Variants in SNTG2 observed in about 807,000 individuals in gnomAD.
The protein encoded by SNTG2 is gamma-2-syntrophin.
Under a neutral mutation model 70.9 loss-of-function variants are expected in SNTG2, and 74 were observed. That is an observed-to-expected ratio of 1.04 (90% confidence interval 0.86 to 1.27). SNTG2 has a LOEUF of 1.27. Among genes scored for constraint, SNTG2 ranks in the 50% most tolerant of loss-of-function variants. SNTG2 has a pLI of 0.00. For missense variants in SNTG2, 717 were observed against 690.7 expected, an observed-to-expected ratio of 1.04 and a Z score of -0.43; for synonymous variants, 278 against 273.8, an observed-to-expected ratio of 1.02 and a Z score of -0.15.
At chr2:962,202 T>G (rs1340197340) in intron 1 of SNTG2, among the ~76,000 whole-genome samples, 2 of 152,118 alleles carry the variant, frequency 1.3e-5, no homozygotes, top group Non-Finnish European at 2.9e-5. Flanking sequence ...GCCTCCCGAG[T>G]AGCTGGAACC....
At chr2:1,073,200 T>A (rs1663690879) in intron 1 of SNTG2, among the ~76,000 whole-genome samples, 1 of 152,218 alleles carries the variant, frequency 6.6e-6, no homozygotes, top group African/African-American at 2.4e-5. Flanking sequence ...AAAGAAGTTG[T>A]ACTGTGTGTA....
chr2:1,265,151 G>T (rs1678653709), intron 13 of SNTG2, among the ~76,000 whole-genome samples: 1 of 152,168 alleles, frequency 6.6e-6, no homozygotes. Context: ...TTTAAGTTCA[G>T]TGGATAAAGA....
chr2:1,091,948 T>A (rs1261492134), intron 2 of SNTG2, among the ~76,000 whole-genome samples: 1 of 152,150 alleles, frequency 6.6e-6, no homozygotes, highest in African/African-American at 2.4e-5. Flanking sequence ...GAAATTTTAT[T>A]TGAGTGAATT....
intron 8 of SNTG2, among the ~76,000 whole-genome samples, chr2:1,188,348 C>A (rs1672373321): frequency 1.3e-5 from 2 of 151,488 alleles, no homozygotes; most frequent in South Asian, 4.2e-4. Flanking sequence ...AATGAGAGAA[C>A]CAAAGATAAG....
intron 14 of SNTG2, among the ~76,000 whole-genome samples, chr2:1,304,256 G>T (rs146476914): frequency 1.3e-5 from 2 of 152,106 alleles, no homozygotes; most frequent in East Asian, 3.9e-4. Flanking sequence ...TCTTATATCC[G>T]ACTCCAGTTC....
intron 12 of SNTG2, among the ~76,000 whole-genome samples, chr2:1,257,468 C>T (rs1303882836): frequency 3.9e-5 from 6 of 152,056 alleles, no homozygotes; most frequent in Non-Finnish European, 5.9e-5. Context: ...AACCAGCAGA[C>T]GCCACAGGGA....
chr2:1,021,936 C>CTTTT (rs71392556), intron 1 of SNTG2, among the ~76,000 whole-genome samples: 29,162 of 120,488 alleles, frequency 0.24, 4,316 homozygotes, highest in Non-Finnish European at 0.31. Flanking sequence ...GTTTTATGTG[C>CTTTT]TTTTTTTTTT....
At chr2:1,273,110 G>T (rs2148193684) in intron 14 of SNTG2, among the ~76,000 whole-genome samples, 1 of 152,284 alleles carries the variant, frequency 6.6e-6, no homozygotes, top group South Asian at 2.1e-4. Context: ...GCACGCCCCT[G>T]CCTGCCCGCC....
At chr2:1,031,914 A>G (rs1660859946) in intron 1 of SNTG2, among the ~76,000 whole-genome samples, 1 of 152,156 alleles carries the variant, frequency 6.6e-6, no homozygotes, top group Non-Finnish European at 1.5e-5. Flanking sequence ...TAATGGGCAC[A>G]GGGTTTGTTT....
chr2:1,087,523 T>A (rs1240751629), intron 2 of SNTG2, among the ~76,000 whole-genome samples: 4 of 152,156 alleles, frequency 2.6e-5, no homozygotes, highest in Non-Finnish European at 1.5e-5. Context: ...TTAGACTATA[T>A]GTAGCTTAAC....
intron 14 of SNTG2, among the ~76,000 whole-genome samples, chr2:1,284,781 G>C (rs764904317): frequency 6.6e-6 from 1 of 152,048 alleles, no homozygotes; most frequent in African/African-American, 2.4e-5. Flanking sequence ...AGACATTTGT[G>C]TTTGTAATTA....
At chr2:1,280,163 A>G (rs748929774) in intron 14 of SNTG2, among the ~76,000 whole-genome samples, 1 of 152,182 alleles carries the variant, frequency 6.6e-6, no homozygotes, top group Non-Finnish European at 1.5e-5. Flanking sequence ...AATACTACAA[A>G]TGTATTTTTG....
chr2:1,056,122 ACAC>A (rs531069800), intron 1 of SNTG2, among the ~76,000 whole-genome samples: 7 of 151,920 alleles, frequency 4.6e-5, no homozygotes, highest in African/African-American at 1.4e-4. Context: ...AAGCTGGTCC[ACAC>A]CACCAAGAGC....
At chr2:1,011,907 G>T (rs187567432) in intron 1 of SNTG2, among the ~76,000 whole-genome samples, 238 of 152,288 alleles carry the variant, frequency 1.6e-3, no homozygotes, top group Non-Finnish European at 2.8e-3. Flanking sequence ...GAAAAATTGT[G>T]AAGTCCACTT....
intron 2 of SNTG2, 127 bp downstream of exon 2, chr2:1,083,782 C>A: frequency 1.9e-6 from 2 of 1,044,738 alleles, no homozygotes; most frequent in Non-Finnish European, 2.8e-6. Context: ...ATATCCCCAA[C>A]TACTGGCTTT....
intron 8 of SNTG2, among the ~76,000 whole-genome samples, chr2:1,173,989 G>A (rs527371253): frequency 1.4e-4 from 22 of 152,314 alleles, no homozygotes; most frequent in African/African-American, 3.8e-4. Flanking sequence ...CATACACAGG[G>A]AGAACCTAGA....
chr2:1,139,009 T>G (rs564774459), intron 6 of SNTG2, among the ~76,000 whole-genome samples: 8 of 152,342 alleles, frequency 5.3e-5, no homozygotes, highest in South Asian at 2.1e-4. Flanking sequence ...ACCTCTAATT[T>G]GTGCTAGGCA....
intron 8 of SNTG2, among the ~76,000 whole-genome samples, chr2:1,179,528 C>T (rs1256791247): frequency 6.6e-6 from 1 of 152,004 alleles, no homozygotes; most frequent in Non-Finnish European, 1.5e-5. Context: ...AGGACCTCTT[C>T]AAGGAGAACT....
rs143748227 is a variant in SNTG2, at chr2:1,016,753, G to C, written c.72+65685G>C. Among the ~76,000 whole-genome samples, 656 of 152,296 alleles carry C rather than the reference G, an allele frequency of 4.3e-3. 6 individuals carry two copies. Among genetic ancestry groups the C allele is most frequent in the African/African-American group, 0.015 (623 of 41,568 alleles). On this transcript the variant is annotated intron_variant, in intron 1 of 16. Coordinates refer to ENST00000308624, the MANE Select transcript of SNTG2 (RefSeq NM_018968.4). ...CTGAGACATTTGACTGAATAAACACGTATGTTATGTGTGACACATATTCAC... is the reference window on the plus strand; with the variant it reads ...CTGAGACATTTGACTGAATAAACACCTATGTTATGTGTGACACATATTCAC...
Sources: gnomAD v4.1 joint callset for allele counts (sites outside exome capture counted in the v4.1 genomes callset) on GRCh38, gnomAD v4.1.1 for gene constraint, MANE v1.5 for transcripts, NCBI Gene and HGNC (gene_info 2026-07-23, HGNC 2026-07-21) for gene names.